Variants in APAF1 observed in about 807,000 individuals in gnomAD.
APAF1 encodes the protein apoptotic peptidase activating factor 1.
APAF1 carries 91 observed loss-of-function variants against 152.4 expected under a neutral mutation model. That is an observed-to-expected ratio of 0.60 (90% CI 0.50 to 0.71). The LOEUF is 0.71. Among genes scored for constraint, APAF1 ranks in the 30% least tolerant of loss-of-function variants. The pLI is 0.00. For synonymous variants in APAF1, 484 were observed against 494.1 expected (o/e 0.98, Z 0.27); for missense variants, 1,283 against 1,472.0 (o/e 0.87, Z 2.10).
chr12:98,735,302 TC>T lies in APAF1; in HGVS notation c.*2737del, dbSNP rs1160485194. On this transcript the variant is annotated 3_prime_UTR_variant, in exon 27 of 27. Transcript: ENST00000551964. ...ATATAATTTTTTTTTACATTATATG[TC>T]TCTTGTATGTTTTGAAACTCTTGTA... 7.5e-6 allele frequency: 3 copies of T among 400,884 alleles called. No homozygotes were observed. The highest frequency in any genetic ancestry group is 6.2e-5 in the African/African-American group (3 of 48,670). 24.8% of individuals were successfully genotyped at this position (400,884 alleles called of 1,614,324 possible). A position where few individuals can be genotyped will look rare whatever the true frequency, so the allele number is the denominator to read the frequency against.
chr12:98,697,468 C>T (rs574847982), intron 16 of APAF1, among the ~76,000 whole-genome samples: 5 of 152,112 alleles, frequency 3.3e-5, no homozygotes, highest in African/African-American at 1.2e-4. Context: ...GATGATAAAC[C>T]CTTGCTGTGT....
At position 98,723,620 on chromosome 12, in the gene APAF1, T is replaced by G. The variant is rs1593115591; in HGVS notation, c.3205-19T>G. 1 of 344,310 alleles carries G rather than the reference T, an allele frequency of 2.9e-6. No individual in the cohort carries two copies. Among genetic ancestry groups the G allele is most frequent in the Non-Finnish European group, 4.2e-6 (1 of 239,350 alleles). The allele number at this position is 344,310 out of a possible 1,614,324, so 21.3% of individuals were successfully genotyped here. A position where few individuals can be genotyped will look rare whatever the true frequency, so the allele number is the denominator to read the frequency against. On this transcript the variant is annotated intron_variant, in intron 23 of 26. Transcript: ENST00000551964. ...TCTTAAAAGTGTCAACCTCCAAGTG[T>G]TTTTTTTTTTTTTTTAAGGTATGGA...
rs370572309 is a variant in APAF1 at position 98,702,275 on chromosome 12, C to T, written c.2467-1096C>T. Among the ~76,000 whole-genome samples, 29 of 152,074 alleles carry T rather than the reference C, an allele frequency of 1.9e-4. 1 individual carries two copies. The East Asian group carries it at 2.5e-3, about 13-fold the overall frequency. ...GGAGACGGGGTTTCACCATGTTAGC[C>T]AGGATGGTCTCGATCTCCTGACCTC... On this transcript the variant is annotated intron_variant, in intron 17 of 26. Coordinates refer to ENST00000551964, the MANE Select transcript of APAF1 (RefSeq NM_181861.2).
At chr12:98,721,417 T>C (rs2097742565) in intron 22 of APAF1, among the ~76,000 whole-genome samples, 1 of 152,216 alleles carries the variant, frequency 6.6e-6, no homozygotes, top group South Asian at 2.1e-4. Flanking sequence ...CTGTTCAGCA[T>C]AGCCATTGAT....
chr12:98,686,647 C>G, intron 15 of APAF1, 101 bp from the exon 16 acceptor site: 2 of 1,202,274 alleles, frequency 1.7e-6, no homozygotes, highest in Non-Finnish European at 2.3e-6. Context: ...ATTCTGTAAT[C>G]AAAAAGCTTA....
chr12:98,679,130 A>G (rs914504251), intron 13 of APAF1, among the ~76,000 whole-genome samples: 1 of 152,186 alleles, frequency 6.6e-6, no homozygotes, highest in Non-Finnish European at 1.5e-5. Flanking sequence ...ATGTCTGCCC[A>G]TGGACCAGTT....
At chr12:98,731,854 A>G (rs907414030) in intron 26 of APAF1, among the ~76,000 whole-genome samples, 1 of 152,234 alleles carries the variant, frequency 6.6e-6, no homozygotes, top group Non-Finnish European at 1.5e-5. Context: ...AGCCCTTGCT[A>G]CGTTTGAGAT....
At chr12:98,678,125 T>G (rs1156447468) in intron 13 of APAF1, among the ~76,000 whole-genome samples, 3 of 152,242 alleles carry the variant, frequency 2.0e-5, no homozygotes, top group Admixed American at 2.0e-4. Context: ...TTTGCAAGAT[T>G]ATGACTCCAT....
At chr12:98,648,240 G>A (rs1361108671) in intron 1 of APAF1, 79 bp from the exon 2 acceptor site, 10 of 1,328,222 alleles carry the variant, frequency 7.5e-6, no homozygotes, top group East Asian at 2.3e-5. Flanking sequence ...TTCTTTTTAC[G>A]TTTCTTGTTT....
chr12:98,657,827 A>G (rs993207357), intron 4 of APAF1, among the ~76,000 whole-genome samples: 1 of 152,218 alleles, frequency 6.6e-6, no homozygotes, highest in Non-Finnish European at 1.5e-5. Flanking sequence ...CTCATTTTCA[A>G]AATGAAGATA....
At position 98,732,392 on chromosome 12, in the gene APAF1, A is replaced by G. The variant is rs371593761; in HGVS notation, c.3601-28A>G. The G allele has an allele frequency of 2.5e-6, 4 of 1,604,616 alleles. No individual in the cohort carries two copies. In the African/African-American group the frequency reaches 5.4e-5, roughly 21 times the overall value. ...TGTCACACAGTGTAATTACCAATCT[A>G]ATGAGAATTTTATTTTTCTCTGAAC... On this transcript the variant is annotated intron_variant, in intron 26 of 26. Transcript: ENST00000551964.
chr12:98,695,899 G>A (rs2097709354), intron 16 of APAF1, among the ~76,000 whole-genome samples: 2 of 152,198 alleles, frequency 1.3e-5, no homozygotes, highest in Admixed American at 6.5e-5. Context: ...GGAGTTCTGT[G>A]GGGTGATTGG....
rs773840959 is a variant in APAF1 at position 98,662,671 on chromosome 12, G to C, written c.824-4G>C. 5.6e-6 allele frequency: 9 copies of C among 1,612,890 alleles called. No homozygotes were observed. The highest frequency in any genetic ancestry group is 3.3e-5 in the Admixed American group (2 of 59,966). On this transcript the variant is annotated splice_polypyrimidine_tract_variant and splice_region_variant and intron_variant, in intron 6 of 26. Transcript: ENST00000551964. ...TTACTTTGTCTTGTGATTTTTGTTT[G>C]CAGGTCCTAAATATGTAGTCCCTGT...
At chr12:98,670,255 T>G (rs2097678403) in intron 10 of APAF1, among the ~76,000 whole-genome samples, 1 of 152,180 alleles carries the variant, frequency 6.6e-6, no homozygotes, top group Non-Finnish European at 1.5e-5. Flanking sequence ...CAGCTAATAT[T>G]CTTGTTACTC....
intron 5 of APAF1, among the ~76,000 whole-genome samples, chr12:98,661,415 TG>T (rs2097665158): frequency 1.3e-5 from 2 of 152,212 alleles, no homozygotes; most frequent in Non-Finnish European, 2.9e-5. Context: ...CAGTCTCATT[TG>T]GTTTGTGCTT....
At chr12:98,676,081 TA>T (rs1489776537) in intron 12 of APAF1, among the ~76,000 whole-genome samples, 2 of 152,224 alleles carry the variant, frequency 1.3e-5, no homozygotes, top group African/African-American at 4.8e-5. Flanking sequence ...CCTTGATTTC[TA>T]AAATAAGCAC....
chr12:98,676,305 G>A (rs1384418226), intron 12 of APAF1, among the ~76,000 whole-genome samples: 4 of 152,020 alleles, frequency 2.6e-5, no homozygotes, highest in Admixed American at 6.6e-5. Flanking sequence ...CACCTCCAGG[G>A]TTCAAGCGAT....
chr12:98,671,618 A>G lies in APAF1; in HGVS notation c.1692A>G (p.Val564=), dbSNP rs750507815. 1.2e-5 allele frequency: 19 copies of G among 1,613,916 alleles called. No individual in the cohort carries two copies. In the South Asian group the frequency reaches 1.9e-4, roughly 16 times the overall value. The change falls in exon 12 of 27, where the codon GTA becomes GTG. Residue 564 remains valine (V), a synonymous_variant. Transcript: ENST00000551964. ...GACGACAGCCATTTCCTAATATTGTACAACTGGGTCTCTGTGAGCCGGAAA... is the reference window on the plus strand; with the variant it reads ...GACGACAGCCATTTCCTAATATTGTGCAACTGGGTCTCTGTGAGCCGGAAA... The part of the protein sequence containing the change: ...LLGRQPFPNI[V]QLGLCEPETS...
intron 13 of APAF1, among the ~76,000 whole-genome samples, chr12:98,679,743 G>A (rs928692867): frequency 3.3e-5 from 5 of 152,246 alleles, no homozygotes; most frequent in Admixed American, 2.6e-4. Context: ...GCTGCTTGTG[G>A]TGTGCCTGGT....
Sources: allele counts gnomAD v4.1 joint callset (sites outside exome capture counted in the v4.1 genomes callset), GRCh38; gene constraint gnomAD v4.1.1; transcripts MANE v1.5; gene names NCBI Gene and HGNC (gene_info 2026-07-23, HGNC 2026-07-21).